SPPL2B: variants seen among roughly 807,000 people sequenced by gnomAD.
SPPL2B encodes signal peptide peptidase like 2B, also known as signal peptide peptidase-like 2B.
Under a neutral mutation model 59.7 loss-of-function variants are expected in SPPL2B, and 39 were observed. That is an observed-to-expected ratio of 0.65 (90% CI 0.51 to 0.85). SPPL2B has a LOEUF of 0.85. SPPL2B is among the 40% of genes least tolerant of loss of function. The pLI, the probability that SPPL2B is intolerant of heterozygous loss-of-function variation, is 0.00. For synonymous variants in SPPL2B, 419 were observed against 370.8 expected (o/e 1.13, Z -1.49); for missense variants, 865 against 849.0 (o/e 1.02, Z -0.23).
At chr19:2,335,015 CAG>C (rs1968483724) in intron 2 of SPPL2B, among the ~76,000 whole-genome samples, 1 of 152,122 alleles carries the variant, frequency 6.6e-6, no homozygotes, top group South Asian at 2.1e-4. Context: ...TGGGCCCAGA[CAG>C]AGGGGTCCTC....
At chr19:2,348,755 A>C (rs1173160168) in intron 13 of SPPL2B, among the ~76,000 whole-genome samples, 19 of 120,304 alleles carry the variant, frequency 1.6e-4, no homozygotes, top group Non-Finnish European at 1.7e-4. Flanking sequence ...CTCTCTCTCC[A>C]CACACACTCA....
chr19:2,347,215 A>T (rs1190972988), intron 13 of SPPL2B, among the ~76,000 whole-genome samples: 1 of 109,098 alleles, frequency 9.2e-6, no homozygotes, highest in African/African-American at 4.0e-5. Context: ...CTCTCCCTCC[A>T]CACACACACT....
intron 1 of SPPL2B, among the ~76,000 whole-genome samples, chr19:2,333,157 G>C (rs1223063462): frequency 5.5e-4 from 28 of 51,256 alleles, no homozygotes; most frequent in South Asian, 9.2e-4. Flanking sequence ...GGGGGAGCAG[G>C]AGGAGGGTGG....
chr19:2,353,570 G>C lies in SPPL2B; in HGVS notation c.*361G>C. On this transcript the variant is annotated 3_prime_UTR_variant, in exon 15 of 15. Transcript: ENST00000613503. ...GTGGACTCTGGCCGCGGCCACACTT[G>C]GTGCTCACCAGCTGCTTCGGCCTTC... 4.0e-6 allele frequency: 1 copy of C among 249,410 alleles called. No homozygotes were observed. Among genetic ancestry groups the C allele is most frequent in the Non-Finnish European group, 7.8e-6 (1 of 129,000 alleles). The allele number at this position is 249,410 out of a possible 1,614,324, so 15.4% of individuals were successfully genotyped here.
At chr19:2,337,761 C>T (rs924638494) in intron 3 of SPPL2B, 136 bp downstream of exon 3, 3 of 915,320 alleles carry the variant, frequency 3.3e-6, no homozygotes, top group African/African-American at 3.4e-5. Flanking sequence ...AGGATCTGGG[C>T]CGAGTGTGAA....
chr19:2,351,446 G>A lies in SPPL2B; in HGVS notation c.1367G>A (p.Gly456Asp). 1.9e-6 allele frequency: 3 copies of A among 1,606,352 alleles called. No homozygotes were observed. Residue 456 changes from glycine to aspartate, a missense_variant, in exon 14 of 15, where the codon GGC (glycine) becomes GAC (aspartate). Gly to Asp is a moderately conservative substitution (Grantham distance 94). Coordinates refer to ENST00000613503, the MANE Select transcript of SPPL2B (RefSeq NM_152988.3). ...FVACTIAYGV[G>D]LLVTFVALAL... ...TCTGTCCCCACAGCCTATGGCGTTG[G>A]CCTCCTTGTGACATTCGTGGCACTG...
intron 13 of SPPL2B, among the ~76,000 whole-genome samples, chr19:2,348,518 TTC>T (rs146173548): frequency 0.029 from 853 of 29,620 alleles, no homozygotes; most frequent in Middle Eastern, 0.048. Flanking sequence ...CTTGATTCCG[TTC>T]TCTCTCCCTC....
At chr19:2,341,238 A>G (rs1969028793) in intron 8 of SPPL2B, 1 of 679,392 alleles carries the variant, frequency 1.5e-6, no homozygotes, top group Non-Finnish European at 2.7e-6. Context: ...GGAATCCGGG[A>G]GGAGAGGCCG....
At chr19:2,336,883 A>C (rs1968667341) in intron 2 of SPPL2B, among the ~76,000 whole-genome samples, 2 of 117,146 alleles carry the variant, frequency 1.7e-5, no homozygotes, top group South Asian at 5.6e-4. Flanking sequence ...GTGCGTGTGC[A>C]CTGGTCTGGC....
Position 2,332,477 on chromosome 19 carries a change from C to T in SPPL2B, c.67-2125C>T, listed in dbSNP as rs1161005209. Among the ~76,000 whole-genome samples, 3 of 152,186 alleles carry T rather than the reference C, an allele frequency of 2.0e-5. No individual in the cohort carries two copies. Among genetic ancestry groups the T allele is most frequent in the Non-Finnish European group, 2.9e-5 (2 of 68,034 alleles). On this transcript the variant is annotated intron_variant, in intron 1 of 14. Transcript: ENST00000613503. The surrounding 1 kb of genome is among the most constrained non-coding windows in gnomAD (Gnocchi z 4.6). The stretch of plus-strand genomic sequence containing the variant: ...CCCTTGTGGCGTTGTGGTGTCGGCC[C>T]GTTTGGTGCGCAGCTCAGCATCCGT...
chr19:2,343,501 C>T (rs769629360), intron 9 of SPPL2B, among the ~76,000 whole-genome samples: 3 of 152,284 alleles, frequency 2.0e-5, no homozygotes, highest in African/African-American at 7.2e-5. Context: ...GGCTGCGGGG[C>T]GGTTCCCGGC....
At chr19:2,344,531 T>C (rs1969258860) in intron 11 of SPPL2B, 22 bp from the exon 12 acceptor site, 11 of 1,603,876 alleles carry the variant, frequency 6.9e-6, no homozygotes, top group Non-Finnish European at 9.4e-6. Context: ...TGGAGGACAT[T>C]GTCCTCTTCC....
chr19:2,353,301 C>T lies in SPPL2B; in HGVS notation c.*92C>T. On this transcript the variant is annotated 3_prime_UTR_variant, in exon 15 of 15. Transcript: ENST00000613503. ...GGAGACAGACAGACAGACGCCTGTC[C>T]CCCGGGACCGAGGCCTGTGCCGTCC... 2 of 1,410,214 alleles carry T rather than the reference C, an allele frequency of 1.4e-6. No individual in the cohort carries two copies. The highest frequency in any genetic ancestry group is 1.9e-6 in the Non-Finnish European group (2 of 1,063,554). The allele number at this position is 1,410,214 out of a possible 1,614,324, so 87.4% of individuals were successfully genotyped here.
intron 1 of SPPL2B, among the ~76,000 whole-genome samples, chr19:2,329,908 G>T (rs935940197): frequency 2.0e-5 from 3 of 152,072 alleles, no homozygotes; most frequent in African/African-American, 7.2e-5. Flanking sequence ...AGGCTGTCGG[G>T]CCCCCTCGGA....
chr19:2,353,217 G>A lies in SPPL2B; in HGVS notation c.*8G>A. Reference sequence around the variant, plus strand: ...CCTGGCGCCTCGGCCTAGGGGAGGGGTGAGACGCTCGCTGCCGTGCCCGCC... The same window carrying A: ...CCTGGCGCCTCGGCCTAGGGGAGGGATGAGACGCTCGCTGCCGTGCCCGCC... On this transcript the variant is annotated 3_prime_UTR_variant, in exon 15 of 15. Transcript: ENST00000613503. 6.3e-7 allele frequency: 1 copy of A among 1,584,394 alleles called. No individual in the cohort carries two copies. Among genetic ancestry groups the A allele is most frequent in the Non-Finnish European group, 8.5e-7 (1 of 1,172,194 alleles).
intron 14 of SPPL2B, 80 bp downstream of exon 14, chr19:2,351,674 A>G (rs986358290): frequency 4.6e-6 from 7 of 1,529,226 alleles, no homozygotes; most frequent in Non-Finnish European, 6.2e-6. Context: ...TGAGACCTCC[A>G]GCCACAGCCA....
intron 1 of SPPL2B, among the ~76,000 whole-genome samples, chr19:2,331,059 C>T (rs888142959): frequency 1.3e-5 from 2 of 152,196 alleles, no homozygotes; most frequent in African/African-American, 4.8e-5. Context: ...TTGCTTGCTA[C>T]CATTCTGTGA....
intron 7 of SPPL2B, 67 bp from the exon 8 acceptor site, chr19:2,340,831 G>A (rs1441996232): frequency 7.2e-6 from 7 of 975,634 alleles, no homozygotes; most frequent in Non-Finnish European, 1.1e-5. Context: ...CCGGTCCCAA[G>A]GGTGGTGGGC....
rs189857301 is a variant in SPPL2B at position 2,341,033 on chromosome 19, G to T, written c.956+19G>T. ...AGGACCAGTAAGTGCTGCTTCCCCC[G>T]GGCCCCGGCGGGCAGCGGAGTCCTC... On this transcript the variant is annotated intron_variant, in intron 8 of 14. Transcript: ENST00000613503. The T allele has an allele frequency of 1.9e-6, 3 of 1,574,808 alleles. No individual in the cohort carries two copies. The highest frequency in any genetic ancestry group is 1.7e-6 in the Non-Finnish European group (2 of 1,155,356).
Sources: allele counts gnomAD v4.1 joint callset (sites outside exome capture counted in the v4.1 genomes callset), GRCh38; gene constraint gnomAD v4.1.1; non-coding constraint Gnocchi (gnomAD v3.1); transcripts MANE v1.5; gene names NCBI Gene and HGNC (gene_info 2026-07-23, HGNC 2026-07-21).